KCNIP1: variants seen among roughly 807,000 people sequenced by gnomAD.
KCNIP1 encodes potassium voltage-gated channel interacting protein 1.
In KCNIP1, 18 loss-of-function variants were observed where a neutral mutation model predicts 33.0. The observed-to-expected ratio is 0.55, with a 90% CI of 0.38 to 0.81. The LOEUF (loss-of-function observed/expected upper bound fraction) is 0.81, where lower values mean the gene tolerates loss of function less well. Ranked by LOEUF, KCNIP1 falls within the 30% of genes least tolerant of loss-of-function variation. The probability of loss-of-function intolerance (pLI) is 0.00; values close to 1 mark genes in which losing one functional copy is unlikely to be tolerated. For synonymous variants in KCNIP1, 93 were observed against 98.3 expected, an observed-to-expected ratio of 0.95 and a Z score of 0.32; for missense variants, 238 against 271.6, an observed-to-expected ratio of 0.88 and a Z score of 0.87.
At chr5:170,725,712 C>T (rs1763983163) in intron 5 of KCNIP1, among the ~76,000 whole-genome samples, 1 of 151,988 alleles carries the variant, frequency 6.6e-6, no homozygotes, top group African/African-American at 2.4e-5. Context: ...GGATGGATAC[C>T]CATTTTTCAT....
intron 5 of KCNIP1, among the ~76,000 whole-genome samples, chr5:170,724,473 C>T (rs1045913736): frequency 1.3e-5 from 2 of 152,020 alleles, no homozygotes; most frequent in Non-Finnish European, 2.9e-5. Flanking sequence ...GTTGGTTTAA[C>T]ATTCAAAAAC....
At chr5:170,407,746 T>C (rs827784) in intron 1 of KCNIP1, among the ~76,000 whole-genome samples, 73,482 of 152,062 alleles carry the variant, frequency 0.48, 19,591 homozygotes, top group African/African-American at 0.72. Context: ...ACTTGGACAT[T>C]ATTGACAGAA....
chr5:170,534,326 G>A (rs1755889532), intron 1 of KCNIP1, among the ~76,000 whole-genome samples: 1 of 152,164 alleles, frequency 6.6e-6, no homozygotes, highest in Non-Finnish European at 1.5e-5. Context: ...TAAGGTGTCA[G>A]AGCCAGCTAC....
At chr5:170,653,478 G>A (rs578028786) in intron 1 of KCNIP1, among the ~76,000 whole-genome samples, 2 of 152,082 alleles carry the variant, frequency 1.3e-5, no homozygotes, top group African/African-American at 2.4e-5. Context: ...GGCAAAATTT[G>A]TGATGTTCTC....
At chr5:170,569,987 A>T (rs1757343441) in intron 1 of KCNIP1, among the ~76,000 whole-genome samples, 1 of 152,102 alleles carries the variant, frequency 6.6e-6, no homozygotes, top group African/African-American at 2.4e-5. Context: ...TTTCCCTAGG[A>T]CCATTGTCAT....
intron 1 of KCNIP1, among the ~76,000 whole-genome samples, chr5:170,617,099 G>A (rs1393650874): frequency 6.7e-6 from 1 of 149,926 alleles, no homozygotes; most frequent in Non-Finnish European, 1.5e-5. Context: ...GGTACCTAGT[G>A]AATGTGTAAC....
rs541892200 is a variant in KCNIP1, at chr5:170,722,029, T to C, written c.327+126T>C. 1,214 of 1,157,850 alleles carry C rather than the reference T, an allele frequency of 1.0e-3. 1 individual carries two copies. The highest frequency in any genetic ancestry group is 1.4e-3 in the Non-Finnish European group (1,094 of 809,522). The allele number at this position is 1,157,850 out of a possible 1,614,324, so 71.7% of individuals were successfully genotyped here. On this transcript the variant is annotated intron_variant, in intron 4 of 7. Coordinates refer to ENST00000328939, the MANE Select transcript of KCNIP1 (RefSeq NM_014592.4). ...CTCAGTCAGACCAAAGACATGTTTA[T>C]CCATTTGTAAGCATTTCCTAAAGAT... is the stretch of plus-strand genomic sequence containing the variant.
chr5:170,621,306 T>C (rs1759592185), intron 1 of KCNIP1, among the ~76,000 whole-genome samples: 1 of 152,092 alleles, frequency 6.6e-6, no homozygotes, highest in Admixed American at 6.5e-5. Context: ...TCATTATGGC[T>C]GCCCTTCCTG....
rs566644495 is a variant in KCNIP1 at position 170,637,887 on chromosome 5, A to G, written c.62-80871A>G. ...CCACCCTTAGAATGGTGCTGGGCCC[A>G]GAAGAGGCATGCAGTCGATATTTGC... On this transcript the variant is annotated intron_variant, in intron 1 of 7. Coordinates refer to ENST00000328939, the MANE Select transcript of KCNIP1 (RefSeq NM_014592.4). Among the ~76,000 whole-genome samples, 8 of 152,138 alleles carry G rather than the reference A, an allele frequency of 5.3e-5. No individual in the cohort carries two copies. In the South Asian group the frequency reaches 1.5e-3, roughly 28 times the overall value.
chr5:170,450,250 C>A lies in KCNIP1; in HGVS notation c.88+96286C>A, dbSNP rs564205610. Among the ~76,000 whole-genome samples the A allele has an allele frequency of 1.4e-4, 22 of 152,160 alleles. No homozygotes were observed. In the East Asian group the frequency reaches 2.1e-3, roughly 15 times the overall value. On this transcript the variant is annotated intron_variant, in intron 1 of 7. Transcript: ENST00000377360. Reference sequence around the variant, plus strand: ...CTTGTCAAGGCTGCAGCTGCTGACTCTTTACAGCACCCTCCTCGGTGCCTG... The same window carrying A: ...CTTGTCAAGGCTGCAGCTGCTGACTATTTACAGCACCCTCCTCGGTGCCTG...
chr5:170,575,345 A>G (rs1194032600), intron 1 of KCNIP1, among the ~76,000 whole-genome samples: 1 of 152,210 alleles, frequency 6.6e-6, no homozygotes, highest in Non-Finnish European at 1.5e-5. Flanking sequence ...TTAATAGGGC[A>G]TATGTTACTT....
intron 1 of KCNIP1, among the ~76,000 whole-genome samples, chr5:170,612,695 G>T (rs376952503): frequency 6.6e-6 from 1 of 152,200 alleles, no homozygotes; most frequent in Admixed American, 6.5e-5. Context: ...CAGACGGATC[G>T]CCCTGCTCCA....
rs544552006 is a variant in KCNIP1, at chr5:170,558,197, A to G, written c.61+53564A>G. On this transcript the variant is annotated intron_variant, in intron 1 of 7. Transcript: ENST00000328939. ...ACTTTAATGTAAAGTGCCACCCACG[A>G]TCAAGGAATCTCATCATTTAAACTG... is the stretch of plus-strand genomic sequence containing the variant. Among the ~76,000 whole-genome samples the G allele has an allele frequency of 7.9e-5, 12 of 152,268 alleles. No homozygotes were observed. The South Asian group carries it at 2.5e-3, about 32-fold the overall frequency.
intron 1 of KCNIP1, among the ~76,000 whole-genome samples, chr5:170,589,794 T>TGTGGTGCGGTGCG (rs1554103003): frequency 2.7e-5 from 3 of 113,164 alleles, no homozygotes; most frequent in Non-Finnish European, 5.8e-5. Context: ...TGTGATGTGG[T>TGTGGTGCGGTGCG]GTGCGGTGCG....
intron 1 of KCNIP1, among the ~76,000 whole-genome samples, chr5:170,572,537 T>C (rs915207337): frequency 2.6e-5 from 4 of 152,206 alleles, no homozygotes; most frequent in Non-Finnish European, 5.9e-5. Flanking sequence ...GATCAAGGCA[T>C]ACGTGGTGTG....
chr5:170,641,539 G>T (rs1399376730), intron 1 of KCNIP1, among the ~76,000 whole-genome samples: 1 of 152,232 alleles, frequency 6.6e-6, no homozygotes, highest in Non-Finnish European at 1.5e-5. Context: ...GCCACAGTAA[G>T]ACACAATTGA....
intron 1 of KCNIP1, among the ~76,000 whole-genome samples, chr5:170,392,652 G>A (rs557732990): frequency 6.6e-5 from 10 of 152,214 alleles, no homozygotes; most frequent in East Asian, 5.8e-4. Flanking sequence ...GCGAAACCCC[G>A]TTTCTACTAA....
intron 1 of KCNIP1, among the ~76,000 whole-genome samples, chr5:170,543,241 A>G (rs1191692674): frequency 6.6e-6 from 1 of 152,196 alleles, no homozygotes; most frequent in Non-Finnish European, 1.5e-5. Context: ...GATGTTTATC[A>G]GGTAAAAGAA....
intron 1 of KCNIP1, among the ~76,000 whole-genome samples, chr5:170,656,778 G>A (rs1225442916): frequency 1.3e-5 from 2 of 152,136 alleles, no homozygotes; most frequent in African/African-American, 2.4e-5. Context: ...GGACTGTGGA[G>A]CATCATCCCA....
Sources: gnomAD v4.1 joint callset for allele counts (sites outside exome capture counted in the v4.1 genomes callset) on GRCh38, gnomAD v4.1.1 for gene constraint, MANE v1.5 for transcripts, NCBI Gene and HGNC (gene_info 2026-07-23, HGNC 2026-07-21) for gene names.